MICU1: variants seen among roughly 807,000 people sequenced by gnomAD.
The protein encoded by MICU1 is calcium uptake protein 1, mitochondrial.
A neutral mutation model predicts 56.8 loss-of-function variants in MICU1; 45 were observed. That is an observed-to-expected ratio of 0.79 (90% CI 0.62 to 1.02). MICU1 has a LOEUF of 1.02. Ranked by LOEUF, MICU1 falls within the 50% of genes least tolerant of loss-of-function variation. The pLI is 0.00. For missense variants in MICU1, 504 were observed against 587.1 expected (o/e 0.86, Z 1.46); for synonymous variants, 186 against 195.1 (o/e 0.95, Z 0.39).
In MICU1 at chr10:72,367,993, G is replaced by C. The variant is rs1438154970; in HGVS notation, c.*202C>G. ...TTGTTCATGTTTTTGAGAACCTATG[G>C]GGATACTCATTGGGCAGAATCAGAG... On this transcript the variant is annotated 3_prime_UTR_variant, in exon 12 of 12. Transcript: ENST00000361114. 1.8e-6 allele frequency: 1 copy of C among 548,386 alleles called. No homozygotes were observed. Among genetic ancestry groups the C allele is most frequent in the Non-Finnish European group, 3.2e-6 (1 of 309,114 alleles). 34.0% of individuals were successfully genotyped at this position (548,386 alleles called of 1,614,324 possible). A position where few individuals can be genotyped will look rare whatever the true frequency, so the allele number is the denominator to read the frequency against.
At chr10:72,459,040 A>T (rs1293814347) in intron 8 of MICU1, among the ~76,000 whole-genome samples, 2 of 152,058 alleles carry the variant, frequency 1.3e-5, no homozygotes, top group African/African-American at 4.8e-5. Flanking sequence ...TCATTAAAAA[A>T]GAAACCTAGA....
chr10:72,473,258 G>A (rs1383073750), intron 8 of MICU1: 2 of 151,958 alleles, frequency 1.3e-5, no homozygotes, highest in Non-Finnish European at 2.9e-5. Context: ...ATTAGATGTC[G>A]GTGGTCATAG....
intron 1 of MICU1, among the ~76,000 whole-genome samples, chr10:72,595,496 A>G (rs1347335927): frequency 6.6e-6 from 1 of 150,850 alleles, no homozygotes; most frequent in Non-Finnish European, 1.5e-5. Flanking sequence ...GACCATATAC[A>G]TCAAAGATAA....
At chr10:72,613,839 T>C (rs1474462365) in intron 1 of MICU1, among the ~76,000 whole-genome samples, 3 of 152,066 alleles carry the variant, frequency 2.0e-5, no homozygotes, top group African/African-American at 7.2e-5. Flanking sequence ...CTCTAGTTTT[T>C]GTTGTGTTAC....
intron 8 of MICU1, among the ~76,000 whole-genome samples, chr10:72,450,900 G>A (rs1269732920): frequency 1.3e-5 from 2 of 151,438 alleles, no homozygotes; most frequent in East Asian, 3.9e-4. Context: ...AATTTTTGTA[G>A]AGATGGGATT....
At chr10:72,509,951 G>T (rs887861663) in intron 5 of MICU1, among the ~76,000 whole-genome samples, 10 of 152,026 alleles carry the variant, frequency 6.6e-5, no homozygotes, top group African/African-American at 2.4e-4. Context: ...TATGTGAACA[G>T]GAAAAAATAC....
At chr10:72,385,211 C>T (rs142419089) in intron 10 of MICU1, among the ~76,000 whole-genome samples, 25 of 152,134 alleles carry the variant, frequency 1.6e-4, no homozygotes, top group African/African-American at 5.8e-4. Flanking sequence ...ACAAGCAGGC[C>T]GGGCACAGTG....
chr10:72,530,365 T>TAAC (rs1839443981), intron 5 of MICU1, among the ~76,000 whole-genome samples: 3 of 144,394 alleles, frequency 2.1e-5, no homozygotes, highest in Non-Finnish European at 4.5e-5. Flanking sequence ...ATAATAATAA[T>TAAC]AATAATAATG....
rs201605978 is a variant in MICU1 at position 72,625,205 on chromosome 10, AG to A, written c.-2+804del. ...AAAATGGGCGTTTCTAAGGTACCAC[AG>A]GAAAAATAAAATATTTTACTCTAGT... On this transcript the variant is annotated intron_variant, in intron 1 of 11. Coordinates refer to ENST00000361114, the MANE Select transcript of MICU1 (RefSeq NM_001195518.2). 8.5e-3 allele frequency among the ~76,000 whole-genome samples: 1,294 copies of A among 152,330 alleles called. 18 individuals carry two copies. The highest frequency in any genetic ancestry group is 0.029 in the African/African-American group (1,222 of 41,574).
intron 5 of MICU1, chr10:72,533,133 GTGTAA>G: frequency 1.6e-6 from 2 of 1,289,644 alleles, no homozygotes; most frequent in Non-Finnish European, 2.0e-6. Context: ...TTCTGACCCT[GTGTAA>G]TATTTTCTTT....
At chr10:72,595,208 C>T (rs373298452) in intron 1 of MICU1, among the ~76,000 whole-genome samples, 3 of 143,360 alleles carry the variant, frequency 2.1e-5, no homozygotes, top group Non-Finnish European at 4.7e-5. Flanking sequence ...CTTAGCACTT[C>T]GGGGAGGCCA....
Position 72,432,669 on chromosome 10 carries a change from T to C in MICU1, c.934-9298A>G, listed in dbSNP as rs566824548. Among the ~76,000 whole-genome samples, 5 of 152,250 alleles carry C rather than the reference T, an allele frequency of 3.3e-5. No individual in the cohort carries two copies. The South Asian group carries it at 8.3e-4, about 25-fold the overall frequency. ...AAGAGAGGGGGAAGGTTCCAGGCTG[T>C]TTTAAAAAACCAGCTCTCATGTGAA... On this transcript the variant is annotated intron_variant, in intron 8 of 11. Transcript: ENST00000361114.
intron 1 of MICU1, among the ~76,000 whole-genome samples, chr10:72,623,369 A>G (rs1165164471): frequency 1.2e-5 from 1 of 86,826 alleles, no homozygotes; most frequent in Non-Finnish European, 2.7e-5. Flanking sequence ...AGAAAGGGAG[A>G]AGAAAGAAAA....
At position 72,454,782 on chromosome 10, in the gene MICU1, C is replaced by CA. The variant is rs10591892; in HGVS notation, c.933+20317dup. Among the ~76,000 whole-genome samples, 643 of 118,980 alleles carry CA rather than the reference C, an allele frequency of 5.4e-3. 18 individuals are homozygous for CA. In the East Asian group the frequency reaches 0.13, roughly 25 times the overall value. 78.1% of individuals were successfully genotyped at this position (118,980 alleles called of 152,430 possible). A position where few individuals can be genotyped will look rare whatever the true frequency, so the allele number is the denominator to read the frequency against. ...TGGGTGACAGAGCGAAACTCCATCT[C>CA]AAAAAAAAAAAAAAAACAAAAAACA... On this transcript the variant is annotated intron_variant, in intron 8 of 11. Transcript: ENST00000361114.
intron 11 of MICU1, among the ~76,000 whole-genome samples, chr10:72,368,666 GGA>G (rs2132024485): frequency 6.6e-6 from 1 of 152,288 alleles, no homozygotes; most frequent in Admixed American, 6.5e-5. Context: ...CCAGGCTGTA[GGA>G]GAGACAAATT....
At chr10:72,373,494 CTAAGATCTTG>C (rs1862415345) in intron 11 of MICU1, among the ~76,000 whole-genome samples, 2 of 152,082 alleles carry the variant, frequency 1.3e-5, no homozygotes, top group South Asian at 2.1e-4. Context: ...GCATTTTGAC[CTAAGATCTTG>C]CAGTGGTAAA....
intron 4 of MICU1, among the ~76,000 whole-genome samples, chr10:72,547,036 C>T (rs568672361): frequency 1.3e-5 from 2 of 152,110 alleles, no homozygotes; most frequent in South Asian, 2.1e-4. Context: ...GGACTACAGG[C>T]GCTCGCCACC....
rs113370598 is a variant in MICU1, at chr10:72,523,923, A to T, written c.537+9823T>A. On this transcript the variant is annotated intron_variant, in intron 5 of 11. Coordinates refer to ENST00000361114, the MANE Select transcript of MICU1 (RefSeq NM_001195518.2). ...GTCATTGATTAGCTCAGAAAAGCAA[A>T]ATAATAAAGTCTTTCTAGGTGTCCC... The T allele has an allele frequency of 6.7e-3, 10,006 of 1,484,644 alleles. 545 individuals carry two copies. In the African/African-American group the frequency reaches 0.12, roughly 18 times the overall value. 92.0% of individuals were successfully genotyped at this position (1,484,644 alleles called of 1,614,324 possible). A position where few individuals can be genotyped will look rare whatever the true frequency, so the allele number is the denominator to read the frequency against.
intron 1 of MICU1, among the ~76,000 whole-genome samples, chr10:72,593,836 T>C (rs1841296762): frequency 6.6e-6 from 1 of 152,020 alleles, no homozygotes; most frequent in Non-Finnish European, 1.5e-5. Context: ...ACTTGTACAA[T>C]GAAAACTACA....
Sources: allele counts gnomAD v4.1 joint callset (sites outside exome capture counted in the v4.1 genomes callset), GRCh38; gene constraint gnomAD v4.1.1; transcripts MANE v1.5; gene names NCBI Gene and HGNC (gene_info 2026-07-23, HGNC 2026-07-21).